The following SCHIP1 variants were observed in gnomAD, a reference collection of about 807,000 sequenced individuals.
SCHIP1 encodes schwannomin interacting protein 1.
Under a neutral mutation model 29.7 loss-of-function variants are expected in SCHIP1, and 8 were observed. The ratio of observed to expected loss-of-function variants is 0.27; its 90% confidence interval spans 0.16 to 0.49. SCHIP1 has a LOEUF of 0.49. Among genes scored for constraint, SCHIP1 ranks in the 20% least tolerant of loss-of-function variants. SCHIP1 has a pLI of 0.99. For missense variants in SCHIP1, 193 were observed against 294.6 expected (o/e 0.66, Z 2.52); for synonymous variants, 76 against 94.9 (o/e 0.80, Z 1.16).
upstream of SCHIP1, among the ~76,000 whole-genome samples, chr3:159,837,424 T>G (rs1451743633): frequency 1.3e-5 from 2 of 152,206 alleles, no homozygotes; most frequent in Non-Finnish European, 2.9e-5. Flanking sequence ...TGCTCATATT[T>G]AGAATTCCAG....
chr3:159,593,677 G>A, the SCHIP1 span, among the ~76,000 whole-genome samples: 3 of 152,038 alleles, frequency 2.0e-5, no homozygotes, highest in South Asian at 4.1e-4. Flanking sequence ...TGACTCTCCC[G>A]CTGCCACCCA....
the SCHIP1 span, among the ~76,000 whole-genome samples, chr3:159,429,201 T>TA: frequency 1.9e-4 from 19 of 101,626 alleles, no homozygotes; most frequent in Non-Finnish European, 2.9e-4. Flanking sequence ...ATAATAATAA[T>TA]AAAAAAAAAG....
chr3:159,423,698 C>G, the SCHIP1 span, among the ~76,000 whole-genome samples: 3 of 152,160 alleles, frequency 2.0e-5, no homozygotes, highest in Non-Finnish European at 2.9e-5. Context: ...CAGCTTTGAA[C>G]AGAGCAGTGG....
chr3:159,764,672 G>A, the SCHIP1 span: 97 of 1,590,980 alleles, frequency 6.1e-5, no homozygotes, highest in Admixed American at 3.5e-4. This position sits in a 1 kb window ranked among gnomAD's most constrained non-coding sequence, Gnocchi z 6.1. Context: ...GAGGAGGACG[G>A]GGAGGAGGAG....
At chr3:159,382,240 A>G in the SCHIP1 span, among the ~76,000 whole-genome samples, 1 of 146,978 alleles carries the variant, frequency 6.8e-6, no homozygotes, top group Admixed American at 6.8e-5. Flanking sequence ...GTATTCTCCT[A>G]ATGCTATCCC....
the SCHIP1 span, among the ~76,000 whole-genome samples, chr3:159,725,999 T>C: frequency 6.6e-6 from 1 of 152,226 alleles, no homozygotes; most frequent in African/African-American, 2.4e-5. Context: ...TTCCATTAGC[T>C]ATATTATAAC....
the SCHIP1 span, among the ~76,000 whole-genome samples, chr3:159,644,488 AT>A: frequency 0.14 from 21,272 of 151,938 alleles, 4,066 homozygotes; most frequent in African/African-American, 0.43. Context: ...CACCAACCAC[AT>A]TTCTTCTTGA....
the SCHIP1 span, among the ~76,000 whole-genome samples, chr3:159,432,333 TGTGTGTGAGAGAGAGA>T: frequency 6.2e-3 from 512 of 82,908 alleles, 3 homozygotes; most frequent in Non-Finnish European, 7.2e-3. Context: ...TGTGTGTGTG[TGTGTGTGAGAGAGAGA>T]GAGAGAGAGA....
the SCHIP1 span, among the ~76,000 whole-genome samples, chr3:159,713,016 G>A: frequency 2.0e-5 from 3 of 150,138 alleles, no homozygotes; most frequent in Non-Finnish European, 3.0e-5. Flanking sequence ...TTAGACAGGC[G>A]TGGTGGTGCA....
chr3:159,607,896 A>C, the SCHIP1 span, among the ~76,000 whole-genome samples: 2 of 152,334 alleles, frequency 1.3e-5, no homozygotes, highest in Admixed American at 1.3e-4. Flanking sequence ...GAAGGAAAAA[A>C]AGCTGAGTGC....
the SCHIP1 span, among the ~76,000 whole-genome samples, chr3:159,384,157 T>C: frequency 2.4e-4 from 36 of 150,664 alleles, no homozygotes; most frequent in African/African-American, 8.5e-4. Flanking sequence ...TGAATAGGAG[T>C]GGTGAGAGAG....
the SCHIP1 span, among the ~76,000 whole-genome samples, chr3:159,634,497 T>C: frequency 6.6e-6 from 1 of 152,180 alleles, no homozygotes; most frequent in African/African-American, 2.4e-5. Flanking sequence ...AGTTTAGTCG[T>C]TGGTTTCACA....
At chr3:159,685,173 G>T in the SCHIP1 span, among the ~76,000 whole-genome samples, 1 of 152,084 alleles carries the variant, frequency 6.6e-6, no homozygotes, top group Non-Finnish European at 1.5e-5. Context: ...GCCCCCCAAG[G>T]AACTTATATC....
the SCHIP1 span, among the ~76,000 whole-genome samples, chr3:159,687,963 G>C: frequency 6.6e-6 from 1 of 152,216 alleles, no homozygotes; most frequent in African/African-American, 2.4e-5. Context: ...GTATTCCATG[G>C]TGTATATGTG....
At chr3:159,345,956 G>T in the SCHIP1 span, among the ~76,000 whole-genome samples, 1 of 152,136 alleles carries the variant, frequency 6.6e-6, no homozygotes. Flanking sequence ...CACTTTGGGA[G>T]GCTGAAGGGG....
At chr3:159,426,142 CAAGAGCAAACACATTCAAAAGCTAGCAG>C in the SCHIP1 span, among the ~76,000 whole-genome samples, 1 of 151,872 alleles carries the variant, frequency 6.6e-6, no homozygotes, top group Non-Finnish European at 1.5e-5. Context: ...ACTAGAAAAG[CAAGAGCAAACACATTCAAAAGCTAGCAG>C]AAGGCAAGAA....
chr3:159,440,878 C>T, the SCHIP1 span, among the ~76,000 whole-genome samples: 1 of 152,184 alleles, frequency 6.6e-6, no homozygotes, highest in African/African-American at 2.4e-5. Context: ...CTAAAACTCA[C>T]TCTGATGGAG....
chr3:159,722,604 T>C, the SCHIP1 span, among the ~76,000 whole-genome samples: 1 of 152,218 alleles, frequency 6.6e-6, no homozygotes, highest in Non-Finnish European at 1.5e-5. Context: ...TGCATGTGTA[T>C]GTGTATGTGT....
upstream of SCHIP1, among the ~76,000 whole-genome samples, chr3:159,838,675 GGTC>G (rs1743903531): frequency 6.6e-6 from 1 of 151,968 alleles, no homozygotes; most frequent in South Asian, 2.1e-4. Context: ...CGGATCACAA[GGTC>G]AGGAGATCAA....
Sources: allele counts gnomAD v4.1 joint callset (sites outside exome capture counted in the v4.1 genomes callset), GRCh38; gene constraint gnomAD v4.1.1; non-coding constraint Gnocchi (gnomAD v3.1); transcripts MANE v1.5; gene names NCBI Gene and HGNC (gene_info 2026-07-23, HGNC 2026-07-21).